SEMA6D: variants seen among roughly 807,000 people sequenced by gnomAD.
SEMA6D encodes the protein semaphorin 6D.
A neutral mutation model predicts 106.6 loss-of-function variants in SEMA6D; 35 were observed. The observed-to-expected ratio is 0.33, with a 90% CI of 0.25 to 0.44. The LOEUF (loss-of-function observed/expected upper bound fraction) is 0.44, where lower values mean the gene tolerates loss of function less well. Among genes scored for constraint, SEMA6D ranks in the 20% least tolerant of loss-of-function variants. The pLI, the probability that SEMA6D is intolerant of heterozygous loss-of-function variation, is 1.00. For missense variants in SEMA6D, 1,185 were observed against 1,345.9 expected (o/e 0.88, Z 1.87); for synonymous variants, 499 against 487.7 (o/e 1.02, Z -0.31).
chr15:47,555,518 C>G (rs1256556831), intron 3 of SEMA6D, among the ~76,000 whole-genome samples: 2 of 152,044 alleles, frequency 1.3e-5, no homozygotes, highest in Non-Finnish European at 2.9e-5. Context: ...GTGATCATTC[C>G]TGAAAAAGTA....
chr15:47,579,781 A>G (rs1404902743), intron 3 of SEMA6D, among the ~76,000 whole-genome samples: 2 of 151,814 alleles, frequency 1.3e-5, no homozygotes, highest in East Asian at 3.9e-4. Flanking sequence ...GGTACTCACC[A>G]TGTAATTACT....
chr15:47,570,593 T>C (rs1174557661), intron 3 of SEMA6D, among the ~76,000 whole-genome samples: 2 of 152,208 alleles, frequency 1.3e-5, no homozygotes, highest in East Asian at 3.9e-4. Flanking sequence ...TCTAATTGGA[T>C]TATTGCTTTT....
chr15:47,714,785 G>C (rs1438440094), upstream of SEMA6D, among the ~76,000 whole-genome samples: 1 of 152,152 alleles, frequency 6.6e-6, no homozygotes, highest in East Asian at 1.9e-4. Flanking sequence ...ATCCAATCTA[G>C]AGCTGACTGT....
At position 47,631,096 on chromosome 15, in the gene SEMA6D, A is replaced by G. The variant is rs1008090293; in HGVS notation, c.-55+30200A>G. Among the ~76,000 whole-genome samples, 3 of 151,822 alleles carry G rather than the reference A, an allele frequency of 2.0e-5. No homozygotes were observed. In the South Asian group the frequency reaches 6.2e-4, roughly 31 times the overall value. ...CTTTATCTGGTTTTGGTAGCAGGAC[A>G]TTATTAGTCTCATAAACAAGTGGTG... On this transcript the variant is annotated intron_variant, in intron 4 of 19. Transcript: ENST00000558014.
chr15:47,470,165 A>G (rs1304652659), intron 2 of SEMA6D, among the ~76,000 whole-genome samples: 1 of 152,218 alleles, frequency 6.6e-6, no homozygotes, highest in Non-Finnish European at 1.5e-5. Context: ...TGGAAAGGAA[A>G]TAACTTTGCT....
At chr15:47,335,559 A>T (rs114205225) in intron 1 of SEMA6D, among the ~76,000 whole-genome samples, 2,465 of 152,120 alleles carry the variant, frequency 0.016, 61 homozygotes, top group African/African-American at 0.056. Flanking sequence ...TGCCCCCTGA[A>T]TATGTCTGTT....
chr15:47,204,355 C>G (rs937007696), intron 1 of SEMA6D, among the ~76,000 whole-genome samples: 1 of 152,058 alleles, frequency 6.6e-6, no homozygotes, highest in South Asian at 2.1e-4. Flanking sequence ...ATGGACTATT[C>G]AGTTTGTGTG....
intron 3 of SEMA6D, among the ~76,000 whole-genome samples, chr15:47,592,567 T>C (rs973340978): frequency 2.6e-5 from 4 of 152,196 alleles, no homozygotes; most frequent in Admixed American, 1.3e-4. Context: ...CTGTGATTAG[T>C]CATTTAACTG....
chr15:47,601,118 A>AAG (rs893584934), intron 4 of SEMA6D, among the ~76,000 whole-genome samples: 4 of 148,422 alleles, frequency 2.7e-5, no homozygotes, highest in Admixed American at 1.3e-4. Flanking sequence ...GAGAGAGAGA[A>AAG]AGAGAGAGAG....
chr15:47,733,811 C>T (rs1260374416), intron 1 of SEMA6D, among the ~76,000 whole-genome samples: 1 of 152,118 alleles, frequency 6.6e-6, no homozygotes, highest in Non-Finnish European at 1.5e-5. Flanking sequence ...TTACTATTTT[C>T]AAATCAAGGA....
intron 3 of SEMA6D, among the ~76,000 whole-genome samples, chr15:47,551,065 T>C (rs1235571042): frequency 6.6e-6 from 1 of 152,216 alleles, no homozygotes; most frequent in Admixed American, 6.5e-5. Flanking sequence ...AGGATATCGA[T>C]AAGCTTTGCA....
chr15:47,691,152 C>T (rs970028520), intron 4 of SEMA6D, among the ~76,000 whole-genome samples: 6 of 152,190 alleles, frequency 3.9e-5, no homozygotes, highest in African/African-American at 1.4e-4. Flanking sequence ...TGATGATGTT[C>T]ACTTTGATCA....
chr15:47,511,604 C>T (rs1444891278), intron 3 of SEMA6D, among the ~76,000 whole-genome samples: 5 of 152,134 alleles, frequency 3.3e-5, no homozygotes, highest in Non-Finnish European at 7.3e-5. Context: ...TGTAATATAT[C>T]CCTTCAGAAA....
chr15:47,719,132 G>A (rs1245599333), intron 1 of SEMA6D, among the ~76,000 whole-genome samples: 1 of 151,506 alleles, frequency 6.6e-6, no homozygotes, highest in Non-Finnish European at 1.5e-5. Context: ...TTGTTAAAAG[G>A]CGAAATGTCA....
intron 2 of SEMA6D, among the ~76,000 whole-genome samples, chr15:47,447,001 G>T (rs141738982): frequency 6.6e-6 from 1 of 152,082 alleles, no homozygotes; most frequent in African/African-American, 2.4e-5. Context: ...GGCTTCCTAG[G>T]TCTTTTCCTT....
At chr15:47,645,432 C>A (rs1057186926) in intron 4 of SEMA6D, among the ~76,000 whole-genome samples, 1 of 152,136 alleles carries the variant, frequency 6.6e-6, no homozygotes, top group South Asian at 2.1e-4. Flanking sequence ...AGATTGGCAC[C>A]AAGGTGCTGG....
intron 1 of SEMA6D, among the ~76,000 whole-genome samples, chr15:47,220,922 A>G (rs1016230418): frequency 6.6e-6 from 1 of 152,242 alleles, no homozygotes; most frequent in Admixed American, 6.5e-5. Context: ...TTATTAAATT[A>G]ATCATTAATA....
intron 4 of SEMA6D, among the ~76,000 whole-genome samples, chr15:47,701,979 G>A (rs1045945275): frequency 2.6e-5 from 4 of 152,088 alleles, no homozygotes; most frequent in Admixed American, 1.3e-4. Context: ...GGCCCACTGC[G>A]GTCAAAACTA....
intron 3 of SEMA6D, among the ~76,000 whole-genome samples, chr15:47,507,235 G>T (rs954445435): frequency 6.6e-6 from 1 of 152,166 alleles, no homozygotes; most frequent in African/African-American, 2.4e-5. Flanking sequence ...TGAGAAGATA[G>T]AAAAATAGAA....
Sources: allele counts gnomAD v4.1 joint callset (sites outside exome capture counted in the v4.1 genomes callset), GRCh38; gene constraint gnomAD v4.1.1; transcripts MANE v1.5; gene names NCBI Gene and HGNC (gene_info 2026-07-23, HGNC 2026-07-21).